Variants in GLIS3 observed in about 807,000 individuals in gnomAD.
The protein encoded by GLIS3 is zinc finger protein GLIS3.
GLIS3 carries 53 observed loss-of-function variants against 78.6 expected under a neutral mutation model. The observed-to-expected ratio is 0.67, with a 90% CI of 0.54 to 0.85. The LOEUF is 0.85. Ranked by LOEUF, GLIS3 falls within the 40% of genes least tolerant of loss-of-function variation. The probability of loss-of-function intolerance (pLI) is 0.00; values close to 1 mark genes in which losing one functional copy is unlikely to be tolerated. For missense variants in GLIS3, 1,703 were observed against 1,231.1 expected, an observed-to-expected ratio of 1.38 and a Z score of -5.74; for synonymous variants, 684 against 509.9, an observed-to-expected ratio of 1.34 and a Z score of -4.60.
intron 2 of GLIS3, among the ~76,000 whole-genome samples, chr9:4,331,212 G>C (rs1817680091): frequency 1.3e-5 from 2 of 152,174 alleles, no homozygotes; most frequent in African/African-American, 2.4e-5. Context: ...AGCTTCTAAA[G>C]GTCACAGGCA....
intron 2 of GLIS3, among the ~76,000 whole-genome samples, chr9:4,336,953 G>C (rs1361145962): frequency 1.3e-5 from 2 of 151,980 alleles, no homozygotes; most frequent in Non-Finnish European, 2.9e-5. Context: ...TCAAGTAAAT[G>C]GACAATTTCC....
the GLIS3 span, among the ~76,000 whole-genome samples, chr9:4,450,329 C>T: frequency 6.6e-6 from 1 of 152,064 alleles, no homozygotes; most frequent in Non-Finnish European, 1.5e-5. Flanking sequence ...ACAAAGCCTC[C>T]AAGAAATATG....
intron 4 of GLIS3, among the ~76,000 whole-genome samples, chr9:4,112,568 C>T (rs989478323): frequency 1.3e-5 from 2 of 152,090 alleles, no homozygotes. Context: ...GACCCAGGTA[C>T]GGGTACTTCG....
chr9:4,401,619 G>A, the GLIS3 span, among the ~76,000 whole-genome samples: 3 of 149,942 alleles, frequency 2.0e-5, no homozygotes, highest in African/African-American at 7.4e-5. Flanking sequence ...CCAGGCTGGA[G>A]TGCAATGGTG....
the GLIS3 span, among the ~76,000 whole-genome samples, chr9:4,414,092 G>A: frequency 6.6e-6 from 1 of 152,142 alleles, no homozygotes; most frequent in African/African-American, 2.4e-5. Flanking sequence ...CAACTGGAAT[G>A]TGAAGCTGGC....
chr9:4,437,794 G>A, the GLIS3 span, among the ~76,000 whole-genome samples: 22 of 152,102 alleles, frequency 1.4e-4, no homozygotes, highest in East Asian at 2.7e-3. Context: ...ATGAGGGTGA[G>A]GACCTTTAAG....
chr9:3,965,199 T>TTTTC (rs1214908875), intron 4 of GLIS3, among the ~76,000 whole-genome samples: 4 of 135,278 alleles, frequency 3.0e-5, no homozygotes, highest in African/African-American at 1.1e-4. Flanking sequence ...TTTTCTTTTT[T>TTTTC]TTTTTTTTTT....
chr9:4,303,605 C>A (rs560191561), upstream of GLIS3, among the ~76,000 whole-genome samples: 17 of 152,274 alleles, frequency 1.1e-4, no homozygotes, highest in Middle Eastern at 3.4e-3. Flanking sequence ...ACCTCTTTTC[C>A]TTTCTAAAGT....
At chr9:3,853,164 C>T (rs1035836028) in intron 9 of GLIS3, among the ~76,000 whole-genome samples, 1 of 152,110 alleles carries the variant, frequency 6.6e-6, no homozygotes, top group African/African-American at 2.4e-5. Context: ...ATGACTGTGC[C>T]ACTGCACTCT....
chr9:4,032,151 A>G (rs1461478244), intron 4 of GLIS3, among the ~76,000 whole-genome samples: 1 of 152,204 alleles, frequency 6.6e-6, no homozygotes, highest in East Asian at 1.9e-4. Context: ...TCCTGTGCAG[A>G]CTGCCTGATG....
intron 4 of GLIS3, among the ~76,000 whole-genome samples, chr9:4,102,306 C>G (rs1388869246): frequency 1.3e-5 from 2 of 152,142 alleles, no homozygotes; most frequent in African/African-American, 4.8e-5. Flanking sequence ...TGGTCAGGGT[C>G]CTTGTGAGGC....
In GLIS3 at chr9:4,309,668, A is replaced by G. The variant is rs965140844; in HGVS notation, n.393-700T>C. 2.6e-5 allele frequency among the ~76,000 whole-genome samples: 4 copies of G among 152,350 alleles called. 1 individual carries two copies. Among genetic ancestry groups the G allele is most frequent in the East Asian group, 1.9e-4 (1 of 5,194 alleles). On this transcript the variant is annotated intron_variant and non_coding_transcript_variant, in intron 3 of 4. Coordinates refer to the GLIS3 transcript ENST00000471664. ...TGATGACTGATTTACATACACACTC[A>G]TATACATTTTAACTCTGAAAGTAGA...
intron 9 of GLIS3, among the ~76,000 whole-genome samples, chr9:3,851,139 T>C (rs966978192): frequency 2.0e-5 from 3 of 152,176 alleles, no homozygotes; most frequent in Admixed American, 6.5e-5. Context: ...GGAATTCTCG[T>C]GGCATGCTGA....
intron 2 of GLIS3, among the ~76,000 whole-genome samples, chr9:4,182,149 G>C (rs922494173): frequency 6.6e-6 from 1 of 152,018 alleles, no homozygotes; most frequent in Non-Finnish European, 1.5e-5. Flanking sequence ...TTTTTCCTTT[G>C]GGGTTTGTTA....
chr9:4,173,930 ACACG>A (rs886954472), intron 2 of GLIS3, among the ~76,000 whole-genome samples: 13 of 85,366 alleles, frequency 1.5e-4, no homozygotes, highest in Non-Finnish European at 2.4e-4. Flanking sequence ...ACACACACAC[ACACG>A]CACGCACGCA....
At chr9:3,858,705 G>GGAAA (rs1819955327) in intron 8 of GLIS3, among the ~76,000 whole-genome samples, 1 of 151,918 alleles carries the variant, frequency 6.6e-6, no homozygotes, top group African/African-American at 2.4e-5. Flanking sequence ...GATTTGAAAA[G>GGAAA]GAAAGAAATA....
At chr9:4,412,123 C>G in the GLIS3 span, among the ~76,000 whole-genome samples, 4 of 152,190 alleles carry the variant, frequency 2.6e-5, no homozygotes, top group African/African-American at 9.7e-5. Context: ...TCCTACCACC[C>G]AAATAGCCCA....
intron 2 of GLIS3, among the ~76,000 whole-genome samples, chr9:4,250,691 T>C (rs868466118): frequency 3.3e-5 from 5 of 152,342 alleles, no homozygotes; most frequent in Middle Eastern, 6.8e-3. Flanking sequence ...CTAGTTCTTT[T>C]AACTGTGATG....
chr9:4,016,621 C>CT (rs1446725006), intron 4 of GLIS3, among the ~76,000 whole-genome samples: 1 of 152,160 alleles, frequency 6.6e-6, no homozygotes, highest in African/African-American at 2.4e-5. Context: ...CAATAACTGC[C>CT]TTTGCCCACT....
Sources: allele counts gnomAD v4.1 joint callset (sites outside exome capture counted in the v4.1 genomes callset), GRCh38; gene constraint gnomAD v4.1.1; transcripts MANE v1.5; gene names NCBI Gene and HGNC (gene_info 2026-07-23, HGNC 2026-07-21).